Variants in NPC1 observed in about 807,000 individuals in gnomAD.
The protein encoded by NPC1 is NPC intracellular cholesterol transporter 1.
A neutral mutation model predicts 140.4 loss-of-function variants in NPC1; 85 were observed. That is an observed-to-expected ratio of 0.61 (90% CI 0.51 to 0.72). The LOEUF is 0.72. Ranked by LOEUF, NPC1 falls within the 30% of genes least tolerant of loss-of-function variation. NPC1 has a pLI of 0.00. For synonymous variants in NPC1, 656 were observed against 624.8 expected, an observed-to-expected ratio of 1.05 and a Z score of -0.74; for missense variants, 1,504 against 1,623.8, an observed-to-expected ratio of 0.93 and a Z score of 1.27.
downstream of NPC1, among the ~76,000 whole-genome samples, chr18:23,520,593 G>C (rs1414047825): frequency 6.6e-6 from 1 of 151,920 alleles, no homozygotes; most frequent in African/African-American, 2.4e-5. Flanking sequence ...CCAAGTAGTG[G>C]GGATTACAGG....
In NPC1 at chr18:23,544,903, G is replaced by A. The variant is rs143757641; in HGVS notation, c.1947+57C>T. The A allele has an allele frequency of 3.5e-5, 43 of 1,245,112 alleles. No individual in the cohort carries two copies. The Middle Eastern group carries it at 5.7e-4, about 17-fold the overall frequency. 77.1% of individuals were successfully genotyped at this position (1,245,112 alleles called of 1,614,324 possible). Reference sequence around the variant, plus strand: ...AAGAATAAAGAGGCAAAAATATGACGTTACACTGTGCACTGCTGTTAACCT... The same window carrying A: ...AAGAATAAAGAGGCAAAAATATGACATTACACTGTGCACTGCTGTTAACCT... On this transcript the variant is annotated intron_variant, in intron 12 of 24. Transcript: ENST00000269228.
downstream of NPC1, chr18:23,524,599 C>T (rs1004595068): frequency 2.7e-5 from 28 of 1,027,780 alleles, no homozygotes; most frequent in Admixed American, 2.4e-4. Flanking sequence ...TCCTTTCAAG[C>T]GTGGGAATGG....
At chr18:23,526,568 G>A, downstream of NPC1, 10 of 1,575,052 alleles carry the variant, frequency 6.3e-6, no homozygotes, top group South Asian at 1.2e-4. Flanking sequence ...AGATGTTTAG[G>A]GGAACCACTT....
At chr18:23,583,062 A>G (rs915012282) in intron 1 of NPC1, among the ~76,000 whole-genome samples, 5 of 151,146 alleles carry the variant, frequency 3.3e-5, no homozygotes, top group African/African-American at 9.7e-5. Context: ...AGCCACAATC[A>G]AACCACTACA....
chr18:23,524,320 G>A, downstream of NPC1: 5 of 1,491,404 alleles, frequency 3.4e-6, no homozygotes, highest in South Asian at 2.3e-5. Flanking sequence ...CAGGGGCCTC[G>A]CGTTTAGCGT....
At chr18:23,542,019 A>G (rs934853467) in intron 14 of NPC1, among the ~76,000 whole-genome samples, 7 of 152,130 alleles carry the variant, frequency 4.6e-5, no homozygotes, top group Admixed American at 1.3e-4. Context: ...ACAAAAATCT[A>G]GATTCACAGC....
rs371251422 is a variant in NPC1, at chr18:23,547,911, T to C, written c.1757+95A>G. Reference sequence around the variant, plus strand: ...AAAACTACGTAACTCAGATCTGCCATTGGTTAATTTAGAAAATGAAGTTTA... The same window carrying C: ...AAAACTACGTAACTCAGATCTGCCACTGGTTAATTTAGAAAATGAAGTTTA... On this transcript the variant is annotated intron_variant, in intron 11 of 24. Coordinates refer to ENST00000269228, the MANE Select transcript of NPC1 (RefSeq NM_000271.5). 325 of 815,746 alleles carry C rather than the reference T, an allele frequency of 4.0e-4. 2 individuals carry two copies. The African/African-American group carries it at 4.5e-3, about 11-fold the overall frequency. The allele number at this position is 815,746 out of a possible 1,614,324, so 50.5% of individuals were successfully genotyped here. A position where few individuals can be genotyped will look rare whatever the true frequency, so the allele number is the denominator to read the frequency against.
At chr18:23,531,402 A>AC (rs2058500323), downstream of NPC1, 2 of 848,606 alleles carry the variant, frequency 2.4e-6, no homozygotes, top group Non-Finnish European at 3.4e-6. Flanking sequence ...AGCTCAATGT[A>AC]AGACGGCATT....
chr18:23,537,137 C>T (rs893671857), intron 20 of NPC1, among the ~76,000 whole-genome samples: 7 of 152,128 alleles, frequency 4.6e-5, no homozygotes, highest in East Asian at 3.9e-4. Context: ...GGCGTGATCT[C>T]GGCTCACTGC....
At chr18:23,579,404 T>C (rs1407057649) in intron 1 of NPC1, among the ~76,000 whole-genome samples, 1 of 152,194 alleles carries the variant, frequency 6.6e-6, no homozygotes, top group Non-Finnish European at 1.5e-5. Flanking sequence ...ATTATCTAAG[T>C]TCAGAAATGA....
At chr18:23,576,483 A>G (rs2059281427) in intron 1 of NPC1, 3 of 986,436 alleles carry the variant, frequency 3.0e-6, no homozygotes, top group African/African-American at 3.5e-5. Context: ...AGACTTACAA[A>G]GCACTGGCGG....
intron 1 of NPC1, chr18:23,576,404 A>C: frequency 1.1e-6 from 1 of 884,330 alleles, no homozygotes; most frequent in Non-Finnish European, 1.4e-6. Flanking sequence ...CCTGGACAAC[A>C]AAGTGAAAAC....
intron 1 of NPC1, among the ~76,000 whole-genome samples, chr18:23,575,590 G>T (rs946392583): frequency 5.9e-5 from 9 of 151,950 alleles, no homozygotes; most frequent in African/African-American, 1.7e-4. Context: ...GTAAACTACA[G>T]AGCACCACGC....
At chr18:23,546,248 CAAAAAAAAAAAAAA>C (rs60021403) in intron 11 of NPC1, among the ~76,000 whole-genome samples, 1 of 45,578 alleles carries the variant, frequency 2.2e-5, no homozygotes, top group African/African-American at 1.0e-4. Context: ...GACTCTGTCT[CAAAAAAAAAAAAAA>C]AAAAAAAAAA....
chr18:23,520,050 G>C (rs73390291), downstream of NPC1: 2,823 of 609,460 alleles, frequency 4.6e-3, 57 homozygotes, highest in African/African-American at 0.048. Context: ...TGATGTTAAT[G>C]ACAAATTCCT....
Position 23,534,446 on chromosome 18 carries a change from G to A in NPC1, c.3591C>T (p.Ser1197=), listed in dbSNP as rs191776973. 5.7e-5 allele frequency: 91 copies of A among 1,609,118 alleles called. No homozygotes were observed. The highest frequency in any genetic ancestry group is 4.4e-4 in the African/African-American group (33 of 75,006). ...GCGTGGCCCTGCTCAGGGTACTCAC[G>A]GAGCTGCCCATGTGGGCAAGTGCCT... ...AEEALAHMGS[S]VFSGITLTKF... Residue 1197 remains serine (S), a splice_region_variant and synonymous_variant, in exon 23 of 25, where the codon TCC becomes TCT. Coordinates refer to ENST00000269228, the MANE Select transcript of NPC1 (RefSeq NM_000271.5).
intron 22 of NPC1, 104 bp downstream of exon 22, chr18:23,535,365 T>C (rs1347366764): frequency 1.2e-6 from 1 of 857,884 alleles, no homozygotes; most frequent in African/African-American, 1.7e-5. Context: ...AGCGCCAGAC[T>C]TGGTATCTTA....
At chr18:23,517,553 G>A (rs1185530674), downstream of NPC1, among the ~76,000 whole-genome samples, 1 of 152,166 alleles carries the variant, frequency 6.6e-6, no homozygotes, top group East Asian at 1.9e-4. Flanking sequence ...ACCCCTGTAT[G>A]CCTGTATCTG....
downstream of NPC1, chr18:23,528,180 CTGTTATAGATGAGAAAAAT>C (rs1158843654): frequency 1.3e-5 from 4 of 299,220 alleles, no homozygotes; most frequent in Admixed American, 1.9e-4. Context: ...CCTTGGTCTA[CTGTTATAGATGAGAAAAAT>C]CAGTCTCTGC....
Sources: allele counts gnomAD v4.1 joint callset (sites outside exome capture counted in the v4.1 genomes callset), GRCh38; gene constraint gnomAD v4.1.1; transcripts MANE v1.5; gene names NCBI Gene and HGNC (gene_info 2026-07-23, HGNC 2026-07-21).